NRCAM: variants seen among roughly 807,000 people sequenced by gnomAD.
NRCAM encodes neuronal cell adhesion molecule, also known as NgCAM-related cell adhesion molecule.
Under a neutral mutation model 156.5 loss-of-function variants are expected in NRCAM, and 83 were observed. The observed-to-expected ratio is 0.53, with a 90% CI of 0.44 to 0.64. The LOEUF is 0.64. NRCAM is among the 30% of genes least tolerant of loss of function. The pLI is 0.00. For synonymous variants in NRCAM, 538 were observed against 563.9 expected (o/e 0.95, Z 0.65); for missense variants, 1,417 against 1,597.3 (o/e 0.89, Z 1.92).
At chr7:108,263,952 C>T (rs1195252401) in intron 3 of NRCAM, among the ~76,000 whole-genome samples, 1 of 152,174 alleles carries the variant, frequency 6.6e-6, no homozygotes, top group Non-Finnish European at 1.5e-5. Context: ...ATGTTTAATA[C>T]TATGTATATG....
intron 1 of NRCAM, among the ~76,000 whole-genome samples, chr7:108,402,917 C>T (rs1372073403): frequency 6.6e-6 from 1 of 152,084 alleles, no homozygotes; most frequent in East Asian, 1.9e-4. Flanking sequence ...CAGAGGAGAA[C>T]CTACTAAATA....
chr7:108,198,150 G>A (rs1341169610), intron 13 of NRCAM, 51 bp from the exon 14 acceptor site: 2 of 1,461,272 alleles, frequency 1.4e-6, no homozygotes, highest in South Asian at 1.3e-5. Context: ...CTTAAAAGAT[G>A]TATATTAAGC....
At chr7:108,413,220 A>T (rs527269835) in intron 1 of NRCAM, among the ~76,000 whole-genome samples, 6 of 152,288 alleles carry the variant, frequency 3.9e-5, no homozygotes, top group African/African-American at 1.4e-4. Context: ...GATAATAGTC[A>T]TTCTAACAGG....
intron 2 of NRCAM, among the ~76,000 whole-genome samples, chr7:108,339,933 CTCT>C (rs551429101): frequency 6.8e-4 from 104 of 152,254 alleles, no homozygotes; most frequent in African/African-American, 2.4e-3. Flanking sequence ...CCACAATATC[CTCT>C]TCAAGGGGGA....
intron 3 of NRCAM, among the ~76,000 whole-genome samples, chr7:108,304,753 T>C (rs1469881983): frequency 6.6e-6 from 1 of 152,164 alleles, no homozygotes; most frequent in Non-Finnish European, 1.5e-5. Context: ...GGGAACCACA[T>C]TTGACTCATA....
intron 3 of NRCAM, among the ~76,000 whole-genome samples, chr7:108,255,902 C>G (rs758041961): frequency 1.3e-5 from 2 of 150,612 alleles, no homozygotes; most frequent in Non-Finnish European, 3.0e-5. Context: ...GCAGCCGCCC[C>G]GTCCGGGAGG....
chr7:108,255,953 G>A (rs2096628312), intron 3 of NRCAM, among the ~76,000 whole-genome samples: 1 of 151,496 alleles, frequency 6.6e-6, no homozygotes, highest in Non-Finnish European at 1.5e-5. Context: ...CTGTCCGGGA[G>A]GGAGGTGGGG....
intron 2 of NRCAM, among the ~76,000 whole-genome samples, chr7:108,396,873 A>G (rs2158847): frequency 0.2 from 29,813 of 152,148 alleles, 3,537 homozygotes; most frequent in South Asian, 0.37. Context: ...TGGTAAAACC[A>G]GTCTAGAGAA....
intron 3 of NRCAM, among the ~76,000 whole-genome samples, chr7:108,246,394 G>A (rs1355528460): frequency 6.6e-6 from 1 of 152,170 alleles, no homozygotes; most frequent in Non-Finnish European, 1.5e-5. Context: ...CAACTAAGTG[G>A]TAACAAATTC....
chr7:108,393,968 C>A (rs938801351), intron 2 of NRCAM, among the ~76,000 whole-genome samples: 4 of 152,174 alleles, frequency 2.6e-5, no homozygotes, highest in Non-Finnish European at 4.4e-5. Flanking sequence ...CTGAGCACAA[C>A]CCCAAGGGGA....
chr7:108,296,031 T>C (rs2154134515), intron 3 of NRCAM, among the ~76,000 whole-genome samples: 1 of 152,342 alleles, frequency 6.6e-6, no homozygotes, highest in East Asian at 1.9e-4. Flanking sequence ...AGAGGGTGTC[T>C]GGAAGAAGCA....
chr7:108,425,102 T>C (rs1194565067), intron 1 of NRCAM, among the ~76,000 whole-genome samples: 2 of 152,184 alleles, frequency 1.3e-5, no homozygotes, highest in Non-Finnish European at 2.9e-5. Context: ...TTTGCAAGCA[T>C]GTGCACATGA....
intron 6 of NRCAM, among the ~76,000 whole-genome samples, chr7:108,233,500 G>A (rs952636059): frequency 2.6e-5 from 4 of 152,162 alleles, no homozygotes; most frequent in Non-Finnish European, 5.9e-5. Context: ...CAACAATGCT[G>A]AAGAGGATAA....
rs139626451 is a variant in NRCAM at position 108,149,278 on chromosome 7, C to G, written c.*632G>C. ...AATGCCTGGAAGATTAAGAAGCCTACGGAGTAACAGGAGCCAAGAGTAGGT... is the reference window on the plus strand; with the variant it reads ...AATGCCTGGAAGATTAAGAAGCCTAGGGAGTAACAGGAGCCAAGAGTAGGT... On this transcript the variant is annotated 3_prime_UTR_variant, in exon 33 of 33. Coordinates refer to ENST00000379028, the MANE Select transcript of NRCAM (RefSeq NM_001037132.4). 6.6e-6 allele frequency: 1 copy of G among 152,592 alleles called. No homozygotes were observed. Among genetic ancestry groups the G allele is most frequent in the South Asian group, 2.1e-4 (1 of 4,836 alleles). 9.5% of individuals were successfully genotyped at this position (152,592 alleles called of 1,614,324 possible). A position where few individuals can be genotyped will look rare whatever the true frequency, so the allele number is the denominator to read the frequency against.
chr7:108,381,561 CTT>C (rs71522870), intron 2 of NRCAM, among the ~76,000 whole-genome samples: 17 of 125,860 alleles, frequency 1.4e-4, no homozygotes, highest in Non-Finnish European at 1.5e-4. Flanking sequence ...TTTTTTTTTT[CTT>C]TTTTTTTTTT....
At chr7:108,318,886 G>C (rs535342272) in intron 2 of NRCAM, among the ~76,000 whole-genome samples, 5 of 152,174 alleles carry the variant, frequency 3.3e-5, no homozygotes, top group Non-Finnish European at 5.9e-5. Context: ...TATTCAGGAA[G>C]CAAAAGCAGT....
At chr7:108,252,488 G>T (rs2096407395) in intron 3 of NRCAM, among the ~76,000 whole-genome samples, 1 of 152,118 alleles carries the variant, frequency 6.6e-6, no homozygotes, top group South Asian at 2.1e-4. Context: ...TTTTTTGAAA[G>T]ATCTGAATGT....
intron 1 of NRCAM, among the ~76,000 whole-genome samples, chr7:108,412,177 G>A (rs908059142): frequency 2.0e-5 from 3 of 149,516 alleles, no homozygotes; most frequent in Non-Finnish European, 3.0e-5. Flanking sequence ...TCTCAAAGGC[G>A]AAAAAAAACA....
rs533764021 is a variant in NRCAM, at chr7:108,350,720, C to G, written c.-173-37989G>C. Among the ~76,000 whole-genome samples the G allele has an allele frequency of 3.3e-5, 5 of 152,228 alleles. No homozygotes were observed. In the South Asian group the frequency reaches 1.0e-3, roughly 32 times the overall value. ...TCTCAGAGTTTGTTTTGGGGATAAT[C>G]CACCTTAACTTATTGTTTTTCTTTT... On this transcript the variant is annotated intron_variant, in intron 2 of 32. Coordinates refer to ENST00000379028, the MANE Select transcript of NRCAM (RefSeq NM_001037132.4).
Sources: allele counts gnomAD v4.1 joint callset (sites outside exome capture counted in the v4.1 genomes callset), GRCh38; gene constraint gnomAD v4.1.1; transcripts MANE v1.5; gene names NCBI Gene and HGNC (gene_info 2026-07-23, HGNC 2026-07-21).